BTRC: variants seen among roughly 807,000 people sequenced by gnomAD.
The protein encoded by BTRC is beta-transducin repeat containing E3 ubiquitin protein ligase.
In BTRC, 42 loss-of-function variants were observed where a neutral mutation model predicts 85.5. The observed-to-expected ratio is 0.49, with a 90% confidence interval of 0.38 to 0.64. The LOEUF (loss-of-function observed/expected upper bound fraction) is 0.64. Ranked by LOEUF, BTRC falls within the 30% of genes least tolerant of loss-of-function variation. BTRC has a pLI of 0.00. For synonymous variants in BTRC, 255 were observed against 263.3 expected (o/e 0.97, Z 0.30); for missense variants, 594 against 743.5 (o/e 0.80, Z 2.34).
At chr10:101,415,486 TTTATGTTATGTTATGTTATG>T (rs1191532968) in intron 1 of BTRC, among the ~76,000 whole-genome samples, 11 of 17,080 alleles carry the variant, frequency 6.4e-4, no homozygotes, top group African/African-American at 1.9e-3. Flanking sequence ...TTTATTTTAT[TTTATGTTATGTTATGTTATG>T]TTATGTTATG....
intron 1 of BTRC, among the ~76,000 whole-genome samples, chr10:101,395,823 A>C (rs1395620808): frequency 6.6e-6 from 1 of 152,142 alleles, no homozygotes; most frequent in Non-Finnish European, 1.5e-5. Context: ...ATTATGAATA[A>C]TCTTTTACAT....
intron 1 of BTRC, among the ~76,000 whole-genome samples, chr10:101,422,465 T>G (rs919444525): frequency 1.1e-4 from 16 of 152,314 alleles, no homozygotes; most frequent in East Asian, 5.8e-4. Flanking sequence ...TGCAGCTCTT[T>G]AGTTTAATTA....
At chr10:101,469,689 G>C (rs1227113966) in intron 3 of BTRC, among the ~76,000 whole-genome samples, 2 of 152,124 alleles carry the variant, frequency 1.3e-5, no homozygotes, top group Non-Finnish European at 2.9e-5. Context: ...CTAACCACCT[G>C]TGTAACCACC....
rs181468852 is a variant in BTRC, at chr10:101,363,519, C to T, written c.48+9291C>T. Among the ~76,000 whole-genome samples, 28 of 152,046 alleles carry T rather than the reference C, an allele frequency of 1.8e-4. No individual in the cohort carries two copies. The East Asian group carries it at 3.5e-3, about 19-fold the overall frequency. On this transcript the variant is annotated intron_variant, in intron 1 of 14. Transcript: ENST00000370187. ...TGTCACCCAGGCTGGAGTGCAGTAGCGCAATCTCAGCTCACTGCCACCTCC... is the reference window on the plus strand; with the variant it reads ...TGTCACCCAGGCTGGAGTGCAGTAGTGCAATCTCAGCTCACTGCCACCTCC...
intron 6 of BTRC, among the ~76,000 whole-genome samples, chr10:101,530,135 T>A (rs2062258403): frequency 6.6e-6 from 1 of 152,178 alleles, no homozygotes; most frequent in Admixed American, 6.5e-5. Context: ...AGGAAGGAGA[T>A]ACTAACAAAT....
intron 13 of BTRC, among the ~76,000 whole-genome samples, chr10:101,549,713 CAAAAAAAAAAA>C (rs755481178): frequency 7.0e-5 from 3 of 42,770 alleles, no homozygotes; most frequent in Admixed American, 3.8e-4. Flanking sequence ...GACTCTGTCT[CAAAAAAAAAAA>C]AAAAAAAAAA....
intron 1 of BTRC, among the ~76,000 whole-genome samples, chr10:101,430,089 C>G (rs1203206817): frequency 6.6e-6 from 1 of 152,114 alleles, no homozygotes; most frequent in Non-Finnish European, 1.5e-5. Context: ...AGAATAGGGA[C>G]AAAATGTTTT....
intron 4 of BTRC, among the ~76,000 whole-genome samples, chr10:101,479,853 A>G (rs531461003): frequency 9.7e-4 from 148 of 152,344 alleles, no homozygotes; most frequent in African/African-American, 3.5e-3. Context: ...CAATTATTAT[A>G]TCACTATTAT....
intron 1 of BTRC, among the ~76,000 whole-genome samples, chr10:101,358,009 A>AATGATTG (rs1175515455): frequency 2.6e-5 from 4 of 152,182 alleles, no homozygotes; most frequent in Admixed American, 2.0e-4. Flanking sequence ...GAGAAATGAA[A>AATGATTG]ATGATTGAGG....
chr10:101,446,829 A>C (rs1564778184), intron 2 of BTRC, among the ~76,000 whole-genome samples: 1 of 152,142 alleles, frequency 6.6e-6, no homozygotes, highest in Non-Finnish European at 1.5e-5. Flanking sequence ...TGTAGTTCTT[A>C]TGTTTCTTCC....
intron 4 of BTRC, among the ~76,000 whole-genome samples, chr10:101,492,014 A>C (rs373242605): frequency 2.6e-5 from 4 of 152,150 alleles, no homozygotes; most frequent in East Asian, 3.8e-4. Context: ...AAAGGTTAGA[A>C]ATGCTTGACA....
intron 6 of BTRC, among the ~76,000 whole-genome samples, chr10:101,527,782 T>A (rs1446909211): frequency 1.8e-3 from 266 of 144,474 alleles, no homozygotes; most frequent in African/African-American, 6.0e-3. Context: ...TCTCTCTCTC[T>A]CTCTCTCTCA....
chr10:101,366,087 C>G (rs1259154291), intron 1 of BTRC, among the ~76,000 whole-genome samples: 1 of 152,010 alleles, frequency 6.6e-6, no homozygotes, highest in African/African-American at 2.4e-5. Flanking sequence ...TCAATTTACA[C>G]CATAAAACCC....
intron 1 of BTRC, among the ~76,000 whole-genome samples, chr10:101,404,030 A>ATATATATATTTTTTTT (rs1232082481): frequency 3.9e-5 from 1 of 25,424 alleles, no homozygotes; most frequent in East Asian, 1.5e-3. Context: ...ATATATATAT[A>ATATATATATTTTTTTT]TTTTTTTTTT....
In BTRC at chr10:101,354,201, G is replaced by A. The variant is rs1475643287; in HGVS notation, c.21G>A (p.Val7=). The A allele has an allele frequency of 1.3e-6, 2 of 1,549,230 alleles. No individual in the cohort carries two copies. Among genetic ancestry groups the A allele is most frequent in the Non-Finnish European group, 1.7e-6 (2 of 1,146,696 alleles). The change falls in exon 1 of 15, where the codon GTG becomes GTA. Residue 7 remains valine, a synonymous_variant. Coordinates refer to ENST00000370187, the MANE Select transcript of BTRC (RefSeq NM_033637.4). ...CGATTATGGACCCGGCCGAGGCGGT[G>A]CTGCAAGAGAAGGCACTCAAGTTTA... The part of the protein sequence containing the change: MDPAEA[V]LQEKALKFMC...
chr10:101,538,211 T>G, intron 12 of BTRC, 82 bp from the exon 13 acceptor site: 2 of 1,125,620 alleles, frequency 1.8e-6, no homozygotes, highest in Admixed American at 3.4e-5. Context: ...CCATATTTAT[T>G]GCCATGAATT....
intron 1 of BTRC, among the ~76,000 whole-genome samples, chr10:101,389,112 T>G (rs1943159547): frequency 3.1e-5 from 2 of 64,424 alleles, no homozygotes; most frequent in Admixed American, 1.6e-4. Flanking sequence ...TGTGATTTTT[T>G]GTGTGTGTTT....
intron 2 of BTRC, among the ~76,000 whole-genome samples, chr10:101,436,038 A>G (rs1222754202): frequency 6.6e-6 from 1 of 152,200 alleles, no homozygotes; most frequent in Non-Finnish European, 1.5e-5. Context: ...AACTAGTGAC[A>G]GGGAAGATGC....
At chr10:101,367,763 G>A (rs1267169321) in intron 1 of BTRC, among the ~76,000 whole-genome samples, 1 of 152,184 alleles carries the variant, frequency 6.6e-6, no homozygotes, top group African/African-American at 2.4e-5. Flanking sequence ...GATTCATTCA[G>A]GTTGTTGTGG....
Sources: allele counts gnomAD v4.1 joint callset (sites outside exome capture counted in the v4.1 genomes callset), GRCh38; gene constraint gnomAD v4.1.1; transcripts MANE v1.5; gene names NCBI Gene and HGNC (gene_info 2026-07-23, HGNC 2026-07-21).